The following DPYD variants were observed in gnomAD, a reference collection of about 807,000 sequenced individuals.
DPYD encodes dihydropyrimidine dehydrogenase, also known as dihydropyrimidine dehydrogenase [NADP(+)].
In DPYD, 109 loss-of-function variants were observed where a neutral mutation model predicts 116.2. The ratio of observed to expected loss-of-function variants is 0.94; its 90% CI spans 0.80 to 1.10. DPYD has a LOEUF of 1.10. DPYD is among the 50% of genes least tolerant of loss of function. DPYD has a pLI of 0.00. For synonymous variants in DPYD, 440 were observed against 432.0 expected, an observed-to-expected ratio of 1.02 and a Z score of -0.23; for missense variants, 1,302 against 1,254.5, an observed-to-expected ratio of 1.04 and a Z score of -0.57.
At chr1:97,203,663 C>T (rs1447866704) in intron 19 of DPYD, among the ~76,000 whole-genome samples, 7 of 17,178 alleles carry the variant, frequency 4.1e-4, no homozygotes, top group South Asian at 4.0e-3. Flanking sequence ...TGAGTTCAGA[C>T]CCCCCCCCCC....
chr1:97,847,236 T>C (rs2101553424), intron 2 of DPYD, among the ~76,000 whole-genome samples: 1 of 152,300 alleles, frequency 6.6e-6, no homozygotes, highest in Non-Finnish European at 1.5e-5. Context: ...AATAAGAATA[T>C]AATCTCTACA....
rs1283816232 is a variant in DPYD, at chr1:97,476,539, AAAT to A, written c.1741-26319_1741-26317del. ...ACTATGCACTGGTAGCAGCATAAAG[AAAT>A]AAGAATCTTTGTGAACTGTTAGTAG... On this transcript the variant is annotated intron_variant, in intron 13 of 22. Transcript: ENST00000370192. 2.0e-5 allele frequency among the ~76,000 whole-genome samples: 3 copies of A among 152,314 alleles called. No homozygotes were observed. In the East Asian group the frequency reaches 5.8e-4, roughly 29 times the overall value.
chr1:97,646,532 C>G (rs973974832), intron 8 of DPYD, among the ~76,000 whole-genome samples: 2 of 152,024 alleles, frequency 1.3e-5, no homozygotes, highest in Non-Finnish European at 1.5e-5. Flanking sequence ...TCAAAACACT[C>G]ATGGTAATAC....
intron 16 of DPYD, among the ~76,000 whole-genome samples, chr1:97,328,481 T>C (rs1668817555): frequency 6.6e-6 from 1 of 152,142 alleles, no homozygotes; most frequent in Non-Finnish European, 1.5e-5. Context: ...ACAATATCCA[T>C]CCCATTCATA....
intron 5 of DPYD, among the ~76,000 whole-genome samples, chr1:97,704,986 T>A (rs1661838017): frequency 6.6e-6 from 1 of 152,066 alleles, no homozygotes; most frequent in Non-Finnish European, 1.5e-5. Flanking sequence ...TGTGCCAGGC[T>A]TTATGTTAAA....
At chr1:97,118,384 CTTTCTT>C (rs1364988171) in intron 20 of DPYD, among the ~76,000 whole-genome samples, 2 of 151,938 alleles carry the variant, frequency 1.3e-5, no homozygotes, top group Non-Finnish European at 2.9e-5. Flanking sequence ...TTCCATTTCT[CTTTCTT>C]TTTAACATTT....
chr1:97,527,794 GAAA>G (rs35111926), intron 12 of DPYD, among the ~76,000 whole-genome samples: 23 of 112,766 alleles, frequency 2.0e-4, no homozygotes, highest in African/African-American at 7.4e-4. Context: ...ATGAAATTTG[GAAA>G]AAAAAAAAAA....
At chr1:97,180,800 T>G (rs759415896) in intron 20 of DPYD, among the ~76,000 whole-genome samples, 3 of 152,300 alleles carry the variant, frequency 2.0e-5, no homozygotes, top group Non-Finnish European at 4.4e-5. Context: ...AAGAAGTAAC[T>G]GCATTTGTGT....
At chr1:97,119,324 G>A (rs942797258) in intron 20 of DPYD, among the ~76,000 whole-genome samples, 9 of 152,118 alleles carry the variant, frequency 5.9e-5, no homozygotes, top group Admixed American at 2.0e-4. Context: ...ATTAGCACAC[G>A]AGTGTCCCGC....
intron 3 of DPYD, among the ~76,000 whole-genome samples, chr1:97,790,384 T>C (rs1667255706): frequency 6.6e-6 from 1 of 152,234 alleles, no homozygotes; most frequent in African/African-American, 2.4e-5. Context: ...CTTAAACATA[T>C]TGAAAAGGAT....
chr1:97,161,945 C>T (rs918354982), intron 20 of DPYD, among the ~76,000 whole-genome samples: 1 of 151,908 alleles, frequency 6.6e-6, no homozygotes, highest in African/African-American at 2.4e-5. Flanking sequence ...TGTATATGTG[C>T]CACATTTTTT....
At chr1:97,525,885 TGCGCGCGCGC>T (rs1350535659) in intron 12 of DPYD, among the ~76,000 whole-genome samples, 1 of 65,932 alleles carries the variant, frequency 1.5e-5, no homozygotes, top group African/African-American at 5.0e-5. Flanking sequence ...TGTGTGTGTG[TGCGCGCGCGC>T]GTGTGTGTGT....
intron 20 of DPYD, among the ~76,000 whole-genome samples, chr1:97,111,586 G>A (rs564086123): frequency 8.2e-4 from 125 of 151,516 alleles, no homozygotes; most frequent in African/African-American, 2.8e-3. Flanking sequence ...AGGCACTCTC[G>A]GACCACCCAA....
Position 97,802,650 on chromosome 1 carries a change from T to C in DPYD, c.233+25464A>G, listed in dbSNP as rs572562742. Among the ~76,000 whole-genome samples the C allele has an allele frequency of 7.2e-5, 11 of 152,060 alleles. No individual in the cohort carries two copies. In the East Asian group the frequency reaches 1.9e-3, roughly 27 times the overall value. ...AAGAGACACCTGACTTTTGAGATCT[T>C]ATCCTCCCTTAGTATAGAAGTCCCA... On this transcript the variant is annotated intron_variant, in intron 3 of 22. Coordinates refer to ENST00000370192, the MANE Select transcript of DPYD (RefSeq NM_000110.4).
chr1:97,813,511 TAGAG>T (rs1259217883), intron 3 of DPYD, among the ~76,000 whole-genome samples: 4 of 152,126 alleles, frequency 2.6e-5, no homozygotes, highest in South Asian at 2.1e-4. Flanking sequence ...TCCTGAAAGA[TAGAG>T]AAAGATGCTA....
intron 7 of DPYD, among the ~76,000 whole-genome samples, chr1:97,688,901 T>C (rs184677739): frequency 3.0e-4 from 45 of 151,936 alleles, no homozygotes; most frequent in Non-Finnish European, 5.7e-4. Flanking sequence ...ATTCAACATA[T>C]AAACTCAACG....
intron 13 of DPYD, among the ~76,000 whole-genome samples, chr1:97,490,827 T>TA (rs33972983): frequency 0.059 from 8,475 of 144,090 alleles, 547 homozygotes; most frequent in African/African-American, 0.16. Context: ...AATGTAATGC[T>TA]AAAAAAAAAA....
At chr1:97,468,084 G>C (rs989516272) in intron 13 of DPYD, among the ~76,000 whole-genome samples, 1 of 152,182 alleles carries the variant, frequency 6.6e-6, no homozygotes, top group African/African-American at 2.4e-5. Flanking sequence ...TATTGTCACA[G>C]GAAGGTAGTC....
intron 6 of DPYD, among the ~76,000 whole-genome samples, chr1:97,697,835 G>A (rs1325825276): frequency 1.3e-5 from 2 of 151,994 alleles, no homozygotes; most frequent in Non-Finnish European, 2.9e-5. Flanking sequence ...TACAAATAGG[G>A]TTGGTTCCAT....
Sources: gnomAD v4.1 joint callset for allele counts (sites outside exome capture counted in the v4.1 genomes callset) on GRCh38, gnomAD v4.1.1 for gene constraint, MANE v1.5 for transcripts, NCBI Gene and HGNC (gene_info 2026-07-23, HGNC 2026-07-21) for gene names.